DIP2C: variants seen among roughly 807,000 people sequenced by gnomAD.
DIP2C encodes the protein DIP2 acetate--CoA ligase C (putative).
Under a neutral mutation model 192.4 loss-of-function variants are expected in DIP2C, and 33 were observed. The observed-to-expected ratio is 0.17, with a 90% confidence interval of 0.13 to 0.23. The LOEUF is 0.23. Among genes scored for constraint, DIP2C ranks in the 10% least tolerant of loss-of-function variants. DIP2C has a pLI of 1.00. For missense variants in DIP2C, 1,537 were observed against 2,110.1 expected, an observed-to-expected ratio of 0.73 and a Z score of 5.32; for synonymous variants, 979 against 864.1, an observed-to-expected ratio of 1.13 and a Z score of -2.33.
intron 1 of DIP2C, among the ~76,000 whole-genome samples, chr10:586,747 A>T (rs1346265290): frequency 6.6e-6 from 1 of 152,264 alleles, no homozygotes; most frequent in Non-Finnish European, 1.5e-5. Context: ...CTGCAAGGCC[A>T]GGTCCAGGGA....
At chr10:511,798 A>G (rs1426765529) in intron 1 of DIP2C, among the ~76,000 whole-genome samples, 4 of 152,214 alleles carry the variant, frequency 2.6e-5, no homozygotes, top group Admixed American at 6.5e-5. Context: ...AAATCCTGAA[A>G]TGCAATACAT....
At chr10:467,501 T>G (rs945924521) in intron 3 of DIP2C, among the ~76,000 whole-genome samples, 4 of 141,442 alleles carry the variant, frequency 2.8e-5, no homozygotes, top group South Asian at 2.2e-4. Context: ...CTGCACAATG[T>G]GCACATGTAC....
intron 2 of DIP2C, among the ~76,000 whole-genome samples, chr10:476,256 C>T (rs77293115): frequency 0.015 from 2,353 of 152,272 alleles, 66 homozygotes; most frequent in African/African-American, 0.054. Context: ...CCCAGGAGCA[C>T]CTGCTCAGCT....
At chr10:417,681 C>CTG in intron 6 of DIP2C, among the ~76,000 whole-genome samples, 1 of 124,744 alleles carries the variant, frequency 8.0e-6, no homozygotes, top group East Asian at 2.7e-4. Context: ...CTCGGATAGG[C>CTG]CTCCCTGTCC....
intron 1 of DIP2C, among the ~76,000 whole-genome samples, chr10:627,306 C>T (rs1410186885): frequency 1.3e-5 from 2 of 152,226 alleles, no homozygotes; most frequent in Non-Finnish European, 2.9e-5. Context: ...CCTCCCGACA[C>T]CTCCCTCTCC....
intron 31 of DIP2C, 117 bp downstream of exon 31, chr10:326,889 G>A: frequency 7.8e-7 from 1 of 1,274,306 alleles, no homozygotes; most frequent in Non-Finnish European, 1.1e-6. Flanking sequence ...GTGACTGAAA[G>A]ATCTCTTCTG....
intron 18 of DIP2C, among the ~76,000 whole-genome samples, chr10:369,067 A>G (rs1237209206): frequency 6.6e-6 from 1 of 152,228 alleles, no homozygotes. Context: ...AACAGGTTTC[A>G]TGGTCACACA....
chr10:387,214 G>A (rs1169645671), intron 14 of DIP2C, among the ~76,000 whole-genome samples: 1 of 152,222 alleles, frequency 6.6e-6, no homozygotes, highest in Non-Finnish European at 1.5e-5. Flanking sequence ...CGTGAGCCCT[G>A]GAAGGCTGTT....
intron 1 of DIP2C, among the ~76,000 whole-genome samples, chr10:597,238 C>A (rs1851762877): frequency 6.6e-6 from 1 of 152,178 alleles, no homozygotes; most frequent in African/African-American, 2.4e-5. Flanking sequence ...GGGATCTGCA[C>A]CCTCCGCTTC....
At chr10:656,586 C>A (rs962501893) in intron 1 of DIP2C, among the ~76,000 whole-genome samples, 1 of 152,216 alleles carries the variant, frequency 6.6e-6, no homozygotes, top group Non-Finnish European at 1.5e-5. Flanking sequence ...CTCTATGATT[C>A]TATCAATACG....
At chr10:672,640 C>T (rs1228518960) in intron 1 of DIP2C, among the ~76,000 whole-genome samples, 2 of 152,232 alleles carry the variant, frequency 1.3e-5, no homozygotes, top group Non-Finnish European at 2.9e-5. Flanking sequence ...GAAACCATCA[C>T]AATCATTCTT....
intron 1 of DIP2C, among the ~76,000 whole-genome samples, chr10:624,527 A>T (rs1005971649): frequency 3.9e-5 from 6 of 152,172 alleles, no homozygotes; most frequent in African/African-American, 1.4e-4. Flanking sequence ...GGGTGTACGA[A>T]CACAAAGTGG....
At chr10:606,323 C>A (rs1852470678) in intron 1 of DIP2C, among the ~76,000 whole-genome samples, 1 of 152,210 alleles carries the variant, frequency 6.6e-6, no homozygotes, top group Non-Finnish European at 1.5e-5. Context: ...CAGGGCACGG[C>A]CACTCGCCCC....
chr10:438,728 C>CA (rs1967477549), intron 4 of DIP2C, among the ~76,000 whole-genome samples: 1 of 152,088 alleles, frequency 6.6e-6, no homozygotes, highest in South Asian at 2.1e-4. Context: ...AGGACTCAAG[C>CA]AATCTGCCTG....
chr10:652,099 A>G lies in DIP2C; in HGVS notation c.85+37395T>C, dbSNP rs1266774217. On this transcript the variant is annotated intron_variant, in intron 1 of 36. Transcript: ENST00000280886. The surrounding 1 kb of genome is among the most constrained non-coding windows in gnomAD (Gnocchi z 4.5). ...TCAAGCTTGTGTGGTACAAGAGTCA[A>G]CTGTATGCAATTGACACTGATTCCT... The G allele has an allele frequency of 6.2e-6, 1 of 160,364 alleles. No homozygotes were observed. The highest frequency in any genetic ancestry group is 2.4e-5 in the African/African-American group (1 of 41,502). 9.9% of individuals were successfully genotyped at this position (160,364 alleles called of 1,614,324 possible). A position where few individuals can be genotyped will look rare whatever the true frequency, so the allele number is the denominator to read the frequency against.
chr10:470,834 C>G (rs1038303445), intron 3 of DIP2C, among the ~76,000 whole-genome samples: 1 of 152,186 alleles, frequency 6.6e-6, no homozygotes, highest in Non-Finnish European at 1.5e-5. Flanking sequence ...GTTTCCTCAT[C>G]TATAAAATGG....
chr10:396,823 CGGTGGGGGGGGGG>C (rs1564659055), intron 10 of DIP2C, among the ~76,000 whole-genome samples: 2 of 49,900 alleles, frequency 4.0e-5, no homozygotes, highest in South Asian at 5.5e-4. Context: ...GCTGCAAATC[CGGTGGGGGGGGGG>C]GAAACTGGCT....
chr10:569,615 A>C (rs973825747), intron 1 of DIP2C, among the ~76,000 whole-genome samples: 1 of 152,204 alleles, frequency 6.6e-6, no homozygotes, highest in Non-Finnish European at 1.5e-5. Context: ...AAAAAAAAGC[A>C]AAAACAAAAC....
chr10:418,600 C>A (rs1321793022), intron 6 of DIP2C, among the ~76,000 whole-genome samples: 1 of 152,160 alleles, frequency 6.6e-6, no homozygotes, highest in South Asian at 2.1e-4. Flanking sequence ...ACCAAGTCAC[C>A]GATATCTCTG....
Sources: gnomAD v4.1 joint callset for allele counts (sites outside exome capture counted in the v4.1 genomes callset) on GRCh38, gnomAD v4.1.1 for gene constraint, Gnocchi (gnomAD v3.1) non-coding constraint, MANE v1.5 for transcripts, NCBI Gene and HGNC (gene_info 2026-07-23, HGNC 2026-07-21) for gene names.